The following PABPC4L variants were observed in gnomAD, a reference collection of about 807,000 sequenced individuals.
The protein encoded by PABPC4L is poly(A) binding protein cytoplasmic 4 like, also known as polyadenylate-binding protein 4-like.
For synonymous variants in PABPC4L, 169 were observed against 164.1 expected (o/e 1.03, Z -0.23); for missense variants, 452 against 451.4 (o/e 1.00, Z -0.01).
the PABPC4L span, among the ~76,000 whole-genome samples, chr4:134,006,450 C>G: frequency 7.2e-5 from 11 of 151,802 alleles, no homozygotes; most frequent in African/African-American, 2.7e-4. Context: ...AGAAGCATGT[C>G]CCAAGCATAT....
chr4:134,034,400 T>A, the PABPC4L span, among the ~76,000 whole-genome samples: 2 of 151,968 alleles, frequency 1.3e-5, no homozygotes, highest in Non-Finnish European at 2.9e-5. Context: ...ATACAGCCAT[T>A]AATCAAGGAG....
At chr4:133,953,194 C>T in the PABPC4L span, among the ~76,000 whole-genome samples, 1 of 152,102 alleles carries the variant, frequency 6.6e-6, no homozygotes, top group Admixed American at 6.6e-5. Flanking sequence ...TTGTAACATC[C>T]ACTTGCAGTC....
the PABPC4L span, among the ~76,000 whole-genome samples, chr4:134,182,897 C>A: frequency 6.6e-6 from 1 of 151,828 alleles, no homozygotes. Context: ...AAATCAAAAC[C>A]ACAATGAGAA....
At chr4:134,070,615 C>T in the PABPC4L span, among the ~76,000 whole-genome samples, 345 of 152,136 alleles carry the variant, frequency 2.3e-3, 3 homozygotes, top group Middle Eastern at 0.01. Flanking sequence ...TGTGGTCTGC[C>T]CACCCAGACA....
chr4:134,164,495 G>T, the PABPC4L span, among the ~76,000 whole-genome samples: 8 of 152,100 alleles, frequency 5.3e-5, no homozygotes, highest in African/African-American at 1.7e-4. Flanking sequence ...CAACCAAGCT[G>T]AGAATCAAAC....
At chr4:134,020,275 C>T in the PABPC4L span, among the ~76,000 whole-genome samples, 3 of 151,928 alleles carry the variant, frequency 2.0e-5, no homozygotes, top group Non-Finnish European at 2.9e-5. Flanking sequence ...TGGCGTCCAC[C>T]CTAGGTACAA....
At chr4:133,958,941 T>G in the PABPC4L span, among the ~76,000 whole-genome samples, 1 of 152,188 alleles carries the variant, frequency 6.6e-6, no homozygotes, top group Non-Finnish European at 1.5e-5. Flanking sequence ...TCTCCCAGTT[T>G]GTTACCACTA....
chr4:134,161,801 A>C, the PABPC4L span, among the ~76,000 whole-genome samples: 8 of 152,124 alleles, frequency 5.3e-5, no homozygotes, highest in African/African-American at 1.9e-4. Context: ...AGTAAGTAAA[A>C]AAGCTCATAT....
chr4:134,128,641 G>C, the PABPC4L span, among the ~76,000 whole-genome samples: 1 of 151,922 alleles, frequency 6.6e-6, no homozygotes. Context: ...AGCACTACCA[G>C]AACTGCTAAA....
the PABPC4L span, among the ~76,000 whole-genome samples, chr4:134,162,014 T>C: frequency 6.6e-6 from 1 of 152,116 alleles, no homozygotes; most frequent in Non-Finnish European, 1.5e-5. Flanking sequence ...AGTTAAGTTT[T>C]CATCAGTTTA....
chr4:134,016,544 C>T, the PABPC4L span, among the ~76,000 whole-genome samples: 4 of 152,114 alleles, frequency 2.6e-5, no homozygotes, highest in South Asian at 8.3e-4. Context: ...TTCAGTTTTT[C>T]TCCTTCACAT....
At chr4:134,194,364 C>A (rs1199675254), downstream of PABPC4L, among the ~76,000 whole-genome samples, 1 of 151,710 alleles carries the variant, frequency 6.6e-6, no homozygotes, top group African/African-American at 2.4e-5. Context: ...TTTCATTCTA[C>A]AGCAATTCAC....
chr4:134,022,571 G>GT, the PABPC4L span, among the ~76,000 whole-genome samples: 161 of 149,084 alleles, frequency 1.1e-3, no homozygotes, highest in South Asian at 0.011. Context: ...TATTAGTTTA[G>GT]TTTTTTTTTT....
chr4:134,086,704 A>G, the PABPC4L span, among the ~76,000 whole-genome samples: 2 of 150,760 alleles, frequency 1.3e-5, no homozygotes, highest in Non-Finnish European at 3.0e-5. Context: ...GATTCTGCAG[A>G]GCAAAGCTTG....
chr4:133,971,699 G>C, the PABPC4L span, among the ~76,000 whole-genome samples: 1 of 152,104 alleles, frequency 6.6e-6, no homozygotes, highest in African/African-American at 2.4e-5. Context: ...TTCTATTCCA[G>C]AGTCACAGGG....
At chr4:134,082,438 T>A in the PABPC4L span, among the ~76,000 whole-genome samples, 5 of 152,122 alleles carry the variant, frequency 3.3e-5, no homozygotes, top group African/African-American at 2.4e-5. Flanking sequence ...ATAGGGATAA[T>A]TTGTTTGTAT....
the PABPC4L span, among the ~76,000 whole-genome samples, chr4:133,984,665 C>A: frequency 1.9e-3 from 283 of 151,956 alleles, no homozygotes; most frequent in African/African-American, 6.5e-3. Context: ...CATGAAATTT[C>A]TTTTCATTTC....
chr4:134,031,947 C>G, the PABPC4L span, among the ~76,000 whole-genome samples: 67 of 151,890 alleles, frequency 4.4e-4, no homozygotes, highest in Middle Eastern at 3.4e-3. Context: ...ATTAATAGAT[C>G]AATTTTTGAA....
At chr4:134,046,695 A>C in the PABPC4L span, among the ~76,000 whole-genome samples, 1 of 152,306 alleles carries the variant, frequency 6.6e-6, no homozygotes, top group Admixed American at 6.5e-5. Context: ...AGCTTTGCGC[A>C]GTGCATTGTG....
Sources: gnomAD v4.1 joint callset for allele counts (sites outside exome capture counted in the v4.1 genomes callset) on GRCh38, gnomAD v4.1.1 for gene constraint, MANE v1.5 for transcripts, NCBI Gene and HGNC (gene_info 2026-07-23, HGNC 2026-07-21) for gene names.